CFAP206: variants seen among roughly 807,000 people sequenced by gnomAD.
The protein encoded by CFAP206 is cilia- and flagella-associated protein 206.
In CFAP206, 53 loss-of-function variants were observed where a neutral mutation model predicts 65.4. The ratio of observed to expected loss-of-function variants is 0.81; its 90% confidence interval spans 0.65 to 1.02. CFAP206 has a LOEUF of 1.02. Ranked by LOEUF, CFAP206 falls within the 50% of genes least tolerant of loss-of-function variation. The pLI, the probability that CFAP206 is intolerant of heterozygous loss-of-function variation, is 0.00. For synonymous variants in CFAP206, 250 were observed against 254.4 expected, an observed-to-expected ratio of 0.98 and a Z score of 0.17; for missense variants, 663 against 753.2, an observed-to-expected ratio of 0.88 and a Z score of 1.40.
At chr6:87,424,373 G>A (rs1053489624) in intron 7 of CFAP206, among the ~76,000 whole-genome samples, 1 of 152,042 alleles carries the variant, frequency 6.6e-6, no homozygotes, top group Non-Finnish European at 1.5e-5. Context: ...TCCGCCTCCC[G>A]AGTTCAAGTG....
chr6:87,412,817 T>C (rs940408208), intron 3 of CFAP206, among the ~76,000 whole-genome samples: 1 of 152,052 alleles, frequency 6.6e-6, no homozygotes, highest in Non-Finnish European at 1.5e-5. Context: ...TGTGCCACCA[T>C]GCCTGGCTAA....
At chr6:87,446,861 G>T (rs1173894834) in intron 11 of CFAP206, among the ~76,000 whole-genome samples, 2 of 152,050 alleles carry the variant, frequency 1.3e-5, no homozygotes, top group Non-Finnish European at 2.9e-5. Context: ...TGTCTTCTCT[G>T]ATTTCCTTGA....
intron 11 of CFAP206, among the ~76,000 whole-genome samples, chr6:87,458,733 GATC>G (rs1179501974): frequency 1.3e-5 from 2 of 152,128 alleles, no homozygotes; most frequent in Non-Finnish European, 1.5e-5. Flanking sequence ...AAAGGCGTAA[GATC>G]TAGTATTTTA....
Position 87,464,091 on chromosome 6 carries a change from C to T in CFAP206, c.1710C>T (p.Ser570=), listed in dbSNP as rs756207859. Residue 570 remains serine (S), a synonymous_variant, in exon 13 of 13, where the codon TCC becomes TCT. Coordinates refer to ENST00000369562, the MANE Select transcript of CFAP206 (RefSeq NM_001031743.3). ...GTCACTTGAGAAGAGAAAATTGTTCCCAAGTGTACCCTCCAAAGGACACTA... is the reference window on the plus strand; with the variant it reads ...GTCACTTGAGAAGAGAAAATTGTTCTCAAGTGTACCCTCCAAAGGACACTA... ...DLSHLRRENC[S]QVYPPKDTST... 22 of 1,613,966 alleles carry T rather than the reference C, an allele frequency of 1.4e-5. No individual in the cohort carries two copies. The highest frequency in any genetic ancestry group is 1.6e-4 in the Middle Eastern group (1 of 6,084).
chr6:87,424,880 A>T (rs1768008674), intron 7 of CFAP206, among the ~76,000 whole-genome samples: 2 of 152,232 alleles, frequency 1.3e-5, no homozygotes. Context: ...GGGCTTTACA[A>T]TAAGCTAAAT....
Position 87,413,867 on chromosome 6 carries a change from C to T in CFAP206, c.250C>T (p.Gln84Ter). The change falls in exon 4 of 13, where the codon CAA becomes TAA. Residue 84 changes from glutamine to a stop codon, truncating the protein, a stop_gained. Coordinates refer to ENST00000369562, the MANE Select transcript of CFAP206 (RefSeq NM_001031743.3). LOFTEE classifies it high-confidence loss of function. ...TCCATCCCTGGACACTATTAAGATG[C>T]AAGTCTACTTCGATATGAATTATAC... is the stretch of plus-strand genomic sequence containing the variant. ...KNPSLDTIKM[Q>*]VYFDMNYTNR... 1 of 1,554,486 alleles carries T rather than the reference C, an allele frequency of 6.4e-7. No individual in the cohort carries two copies. The highest frequency in any genetic ancestry group is 8.6e-7 in the Non-Finnish European group (1 of 1,158,888).
chr6:87,417,816 C>T (rs968919716), intron 6 of CFAP206, among the ~76,000 whole-genome samples: 4 of 141,580 alleles, frequency 2.8e-5, no homozygotes, highest in East Asian at 2.1e-4. Flanking sequence ...AGTGCAGTGG[C>T]GCGATCTCGG....
rs575015321 is a variant in CFAP206 at position 87,435,383 on chromosome 6, T to A, written c.1494+330T>A. The A allele has an allele frequency of 1.5e-4, 28 of 182,664 alleles. No individual in the cohort carries two copies. The South Asian group carries it at 3.2e-3, about 21-fold the overall frequency. 11.3% of individuals were successfully genotyped at this position (182,664 alleles called of 1,614,324 possible). On this transcript the variant is annotated intron_variant, in intron 11 of 12. Transcript: ENST00000369562. ...AACACAGATAACACAGATAGTAACT[T>A]ATACTCAGAGCTGCAAAACAATTTA...
intron 1 of CFAP206, among the ~76,000 whole-genome samples, chr6:87,409,183 T>G (rs1767683596): frequency 6.6e-6 from 1 of 152,042 alleles, no homozygotes; most frequent in Non-Finnish European, 1.5e-5. Context: ...TACTCTTGGG[T>G]TTCTCATTAA....
intron 3 of CFAP206, among the ~76,000 whole-genome samples, chr6:87,412,538 A>G (rs1339012791): frequency 6.6e-6 from 1 of 152,218 alleles, no homozygotes; most frequent in Non-Finnish European, 1.5e-5. Context: ...TGAGCCATCT[A>G]TGTGGGGGCT....
chr6:87,460,196 ACAATGT>A (rs1176152521), intron 11 of CFAP206, among the ~76,000 whole-genome samples: 2 of 152,206 alleles, frequency 1.3e-5, no homozygotes, highest in Non-Finnish European at 2.9e-5. Context: ...AACAACGTCA[ACAATGT>A]CATGTCCAGC....
chr6:87,434,828 C>T (rs1030650657), intron 10 of CFAP206, 32 bp from the exon 11 acceptor site: 51 of 1,136,438 alleles, frequency 4.5e-5, no homozygotes, highest in Non-Finnish European at 6.1e-5. Context: ...GTGATCAAGA[C>T]ATTTCATATC....
chr6:87,452,422 T>C (rs1374268124), intron 11 of CFAP206, among the ~76,000 whole-genome samples: 2 of 152,116 alleles, frequency 1.3e-5, no homozygotes, highest in African/African-American at 2.4e-5. Flanking sequence ...CGCCCAGACA[T>C]TGACAAACAT....
At chr6:87,422,657 A>C (rs1438625928) in intron 7 of CFAP206, among the ~76,000 whole-genome samples, 1 of 151,064 alleles carries the variant, frequency 6.6e-6, no homozygotes, top group African/African-American at 2.4e-5. Context: ...AGGCTGAGGC[A>C]GGAGAATCGC....
At chr6:87,450,845 T>C (rs1196858682) in intron 11 of CFAP206, among the ~76,000 whole-genome samples, 2 of 152,066 alleles carry the variant, frequency 1.3e-5, no homozygotes, top group Non-Finnish European at 2.9e-5. Flanking sequence ...CATGCCCCAG[T>C]AGCGGCCACG....
intron 4 of CFAP206, 152 bp from the exon 5 acceptor site, chr6:87,415,533 TG>T: frequency 1.3e-6 from 1 of 746,642 alleles, no homozygotes. Flanking sequence ...GGCTACATGC[TG>T]GCCACTGTTT....
At position 87,418,370 on chromosome 6, in the gene CFAP206, C is replaced by T. The variant is rs750840329; in HGVS notation, c.794C>T (p.Ala265Val). The T allele has an allele frequency of 1.2e-5, 20 of 1,613,940 alleles. No homozygotes were observed. Among genetic ancestry groups the T allele is most frequent in the Middle Eastern group, 1.6e-4 (1 of 6,084 alleles). ...CTTCAGCCATATATGTTAAAAGAAG[C>T]GCTATATAATATACGACAATATGAG... ...AELQPYMLKE[A>V]LYNIRQYEVF... The change falls in exon 7 of 13, where the codon GCG (alanine) becomes GTG (valine). Residue 265 changes from alanine (A) to valine (V), a missense_variant. Coordinates refer to ENST00000369562, the MANE Select transcript of CFAP206 (RefSeq NM_001031743.3).
chr6:87,437,815 T>C (rs1768299554), intron 11 of CFAP206, among the ~76,000 whole-genome samples: 1 of 149,048 alleles, frequency 6.7e-6, no homozygotes, highest in South Asian at 2.1e-4. Context: ...GCACCAACCA[T>C]GCCTGGCTAA....
At chr6:87,437,283 T>C (rs558764121) in intron 11 of CFAP206, among the ~76,000 whole-genome samples, 1 of 152,282 alleles carries the variant, frequency 6.6e-6, no homozygotes, top group South Asian at 2.1e-4. Flanking sequence ...TACTGCTTTA[T>C]TGTGCATTTT....
Sources: gnomAD v4.1 joint callset for allele counts (sites outside exome capture counted in the v4.1 genomes callset) on GRCh38, gnomAD v4.1.1 for gene constraint, MANE v1.5 for transcripts, NCBI Gene and HGNC (gene_info 2026-07-23, HGNC 2026-07-21) for gene names.